The following MIPOL1 variants were observed in gnomAD, a reference collection of about 807,000 sequenced individuals.
MIPOL1 encodes mirror-image polydactyly gene 1 protein.
MIPOL1 carries 57 observed loss-of-function variants against 60.9 expected under a neutral mutation model. The ratio of observed to expected loss-of-function variants is 0.94; its 90% CI spans 0.76 to 1.17. The LOEUF (loss-of-function observed/expected upper bound fraction) is 1.17, where lower values mean the gene tolerates loss of function less well. MIPOL1 is among the 50% of genes most tolerant of loss of function. The pLI, the probability that MIPOL1 is intolerant of heterozygous loss-of-function variation, is 0.00. For missense variants in MIPOL1, 551 were observed against 511.6 expected (o/e 1.08, Z -0.74); for synonymous variants, 179 against 168.8 (o/e 1.06, Z -0.47).
chr14:37,413,151 T>C (rs2093706555), intron 10 of MIPOL1, among the ~76,000 whole-genome samples: 2 of 152,144 alleles, frequency 1.3e-5, no homozygotes. Context: ...TCTTTATTTG[T>C]ACCATGTATA....
chr14:37,247,808 C>CTA, intron 2 of MIPOL1, 21 bp from the exon 3 acceptor site: 1 of 1,401,262 alleles, frequency 7.1e-7, no homozygotes, highest in Non-Finnish European at 1.0e-6. Context: ...GTTTATTTAT[C>CTA]TAGAGTTGGC....
At chr14:37,287,363 C>A (rs2084661233) in intron 7 of MIPOL1, among the ~76,000 whole-genome samples, 1 of 152,066 alleles carries the variant, frequency 6.6e-6, no homozygotes, top group Non-Finnish European at 1.5e-5. Flanking sequence ...CCTACCTCAG[C>A]CTCCCAAGGA....
chr14:37,247,728 A>C, intron 2 of MIPOL1, 101 bp from the exon 3 acceptor site: 1 of 592,824 alleles, frequency 1.7e-6, no homozygotes, highest in Non-Finnish European at 2.9e-6. Context: ...TGTTTTAGAA[A>C]ACCATTTATC....
chr14:37,477,880 T>C (rs2094802127), intron 11 of MIPOL1, among the ~76,000 whole-genome samples: 1 of 152,370 alleles, frequency 6.6e-6, no homozygotes, highest in Admixed American at 6.5e-5. Flanking sequence ...TTTACATACA[T>C]TGATCACTGC....
intron 9 of MIPOL1, among the ~76,000 whole-genome samples, chr14:37,341,077 A>G (rs2090536029): frequency 6.6e-6 from 1 of 152,210 alleles, no homozygotes; most frequent in South Asian, 2.1e-4. Flanking sequence ...CTAGGTTTGT[A>G]TAAGTACATG....
chr14:37,507,474 A>G (rs919342787), intron 12 of MIPOL1: 1 of 152,244 alleles, frequency 6.6e-6, no homozygotes, highest in Non-Finnish European at 1.5e-5. Context: ...TGAAGCTGGA[A>G]ACCATCATTC....
At chr14:37,314,544 T>C (rs1447887159) in intron 9 of MIPOL1, among the ~76,000 whole-genome samples, 1 of 152,182 alleles carries the variant, frequency 6.6e-6, no homozygotes, top group Non-Finnish European at 1.5e-5. Flanking sequence ...ACATACTTCC[T>C]CTCTGCTTGT....
rs373520076 is a variant in MIPOL1, at chr14:37,439,380, G to A, written c.1031+16431G>A. Among the ~76,000 whole-genome samples, 6 of 152,240 alleles carry A rather than the reference G, an allele frequency of 3.9e-5. No homozygotes were observed. The East Asian group carries it at 1.2e-3, about 29-fold the overall frequency. ...TAATGAACATATTGTGTTATATTAT[G>A]CAATTGAGAGAAAATTGCTGGAATT... On this transcript the variant is annotated intron_variant, in intron 11 of 12. Coordinates refer to ENST00000684589, the MANE Select transcript of MIPOL1 (RefSeq NM_001388067.1).
chr14:37,504,156 G>A (rs2153616254), intron 12 of MIPOL1: 1 of 152,218 alleles, frequency 6.6e-6, no homozygotes, highest in Admixed American at 6.5e-5. Flanking sequence ...CAGTGATAAT[G>A]GGAGACTTTA....
chr14:37,375,173 GCTGT>G (rs1164133163), intron 10 of MIPOL1, among the ~76,000 whole-genome samples: 5 of 151,708 alleles, frequency 3.3e-5, no homozygotes, highest in African/African-American at 4.8e-5. Flanking sequence ...TCATGATTTG[GCTGT>G]CTGTCTACCC....
At chr14:37,202,181 A>G (rs1965445485) in intron 1 of MIPOL1, among the ~76,000 whole-genome samples, 1 of 152,090 alleles carries the variant, frequency 6.6e-6, no homozygotes, top group African/African-American at 2.4e-5. Context: ...GCACATTTAG[A>G]TATATGCTAA....
chr14:37,448,837 T>C (rs981888748), intron 11 of MIPOL1, among the ~76,000 whole-genome samples: 2 of 152,210 alleles, frequency 1.3e-5, no homozygotes, highest in Non-Finnish European at 2.9e-5. Context: ...GCGGACTCTT[T>C]CATATGTATG....
intron 11 of MIPOL1, among the ~76,000 whole-genome samples, chr14:37,495,457 A>T (rs1389997069): frequency 1.3e-5 from 2 of 150,684 alleles, no homozygotes; most frequent in Non-Finnish European, 3.0e-5. Context: ...AAAGGACATG[A>T]ACTCATCCTT....
chr14:37,518,920 AAAAT>A (rs1156410560), intron 12 of MIPOL1, among the ~76,000 whole-genome samples: 1 of 58,146 alleles, frequency 1.7e-5, no homozygotes, highest in Non-Finnish European at 3.1e-5. Context: ...TGTGAATCAA[AAAAT>A]AAACTCTTTG....
chr14:37,387,605 A>G (rs2093109027), intron 10 of MIPOL1, among the ~76,000 whole-genome samples: 1 of 151,874 alleles, frequency 6.6e-6, no homozygotes, highest in South Asian at 2.1e-4. Context: ...TATACCTGTG[A>G]CCTAACTTTC....
At chr14:37,215,854 G>A (rs1201858451) in intron 1 of MIPOL1, among the ~76,000 whole-genome samples, 2 of 152,122 alleles carry the variant, frequency 1.3e-5, no homozygotes, top group Non-Finnish European at 2.9e-5. Flanking sequence ...GATCACCTGA[G>A]GTCAGGAGTT....
chr14:37,446,642 C>T lies in MIPOL1; in HGVS notation c.1031+23693C>T, dbSNP rs181975417. ...ATGCACACGTATGTTTATAGCGGCA[C>T]TATTCACAATAGCAAAGACTTGGAA... On this transcript the variant is annotated intron_variant, in intron 11 of 12. Coordinates refer to ENST00000684589, the MANE Select transcript of MIPOL1 (RefSeq NM_001388067.1). 3.9e-4 allele frequency among the ~76,000 whole-genome samples: 59 copies of T among 152,232 alleles called. 1 individual carries two copies. The East Asian group carries it at 9.6e-3, about 25-fold the overall frequency.
At chr14:37,328,468 A>G (rs112366582) in intron 9 of MIPOL1, among the ~76,000 whole-genome samples, 1 of 152,132 alleles carries the variant, frequency 6.6e-6, no homozygotes, top group Non-Finnish European at 1.5e-5. Context: ...AAGTTTTATT[A>G]TATGTTACTA....
chr14:37,319,062 A>G (rs2088267231), intron 9 of MIPOL1, among the ~76,000 whole-genome samples: 1 of 151,890 alleles, frequency 6.6e-6, no homozygotes, highest in Non-Finnish European at 1.5e-5. Flanking sequence ...GCTGGTCTTG[A>G]ACTCCTGGGC....
Sources: allele counts gnomAD v4.1 joint callset (sites outside exome capture counted in the v4.1 genomes callset), GRCh38; gene constraint gnomAD v4.1.1; transcripts MANE v1.5; gene names NCBI Gene and HGNC (gene_info 2026-07-23, HGNC 2026-07-21).